XKR9: variants seen among roughly 807,000 people sequenced by gnomAD.
The protein encoded by XKR9 is XK-related protein 9.
A neutral mutation model predicts 32.0 loss-of-function variants in XKR9; 32 were observed. That is an observed-to-expected ratio of 1.00 (90% CI 0.76 to 1.34). The LOEUF (loss-of-function observed/expected upper bound fraction) is 1.34. XKR9 is among the 40% of genes most tolerant of loss of function. The pLI is 0.00. For missense variants in XKR9, 546 were observed against 429.7 expected, an observed-to-expected ratio of 1.27 and a Z score of -2.39; for synonymous variants, 168 against 143.4, an observed-to-expected ratio of 1.17 and a Z score of -1.22.
chr8:70,939,784 A>C, the XKR9 span, among the ~76,000 whole-genome samples: 1 of 151,968 alleles, frequency 6.6e-6, no homozygotes, highest in African/African-American at 2.4e-5. Context: ...CATGGTCCAT[A>C]TGTTTTAAAA....
At chr8:70,752,345 ACGATTT>A (rs1447456277) in intron 2 of XKR9, among the ~76,000 whole-genome samples, 1 of 152,184 alleles carries the variant, frequency 6.6e-6, no homozygotes, top group Non-Finnish European at 1.5e-5. Context: ...TATTTATCTT[ACGATTT>A]TAGAGGCTGG....
chr8:70,809,327 A>G, the XKR9 span, among the ~76,000 whole-genome samples: 1 of 152,310 alleles, frequency 6.6e-6, no homozygotes, highest in East Asian at 1.9e-4. Context: ...AAGGTAGATA[A>G]AACCACAAAC....
At chr8:71,043,976 T>G in the XKR9 span, among the ~76,000 whole-genome samples, 294 of 152,254 alleles carry the variant, frequency 1.9e-3, 1 homozygote, top group African/African-American at 6.5e-3. Flanking sequence ...TAAACAAAAT[T>G]TTAACTATCT....
the XKR9 span, among the ~76,000 whole-genome samples, chr8:71,032,113 G>A: frequency 6.6e-6 from 1 of 152,002 alleles, no homozygotes; most frequent in Non-Finnish European, 1.5e-5. Flanking sequence ...GGCCAATGTG[G>A]TGAAATCCTA....
At chr8:70,892,797 C>G in the XKR9 span, among the ~76,000 whole-genome samples, 2 of 152,078 alleles carry the variant, frequency 1.3e-5, no homozygotes, top group Non-Finnish European at 2.9e-5. Context: ...GATGATTTGA[C>G]TATAATGTAA....
At chr8:70,799,956 G>A in the XKR9 span, among the ~76,000 whole-genome samples, 2 of 152,180 alleles carry the variant, frequency 1.3e-5, no homozygotes, top group African/African-American at 4.8e-5. Flanking sequence ...CAAGGAGAAT[G>A]TTTCCAGCTT....
chr8:70,846,099 G>T, the XKR9 span, among the ~76,000 whole-genome samples: 2 of 152,122 alleles, frequency 1.3e-5, no homozygotes, highest in African/African-American at 2.4e-5. Flanking sequence ...GTGAACAGTG[G>T]ATTTCTGAGC....
At chr8:70,838,897 A>G in the XKR9 span, among the ~76,000 whole-genome samples, 1 of 152,114 alleles carries the variant, frequency 6.6e-6, no homozygotes, top group South Asian at 2.1e-4. Flanking sequence ...CATGTGATTA[A>G]GCAACCTTGT....
the XKR9 span, among the ~76,000 whole-genome samples, chr8:70,870,617 G>A: frequency 6.7e-4 from 102 of 152,260 alleles, no homozygotes; most frequent in African/African-American, 2.3e-3. Context: ...AAGACCAATC[G>A]CATCTTGATT....
chr8:70,821,265 T>A, the XKR9 span, among the ~76,000 whole-genome samples: 1 of 152,230 alleles, frequency 6.6e-6, no homozygotes, highest in African/African-American at 2.4e-5. Flanking sequence ...CACATCCAGG[T>A]CACACTGATG....
chr8:70,838,764 T>A, the XKR9 span, among the ~76,000 whole-genome samples: 5 of 152,048 alleles, frequency 3.3e-5, no homozygotes, highest in African/African-American at 7.2e-5. Context: ...TGACTCCAAG[T>A]GTGGAAGTTT....
chr8:70,868,430 T>A, the XKR9 span, among the ~76,000 whole-genome samples: 2 of 152,100 alleles, frequency 1.3e-5, no homozygotes, highest in Non-Finnish European at 2.9e-5. Flanking sequence ...TTGGCTTCTG[T>A]GCACTTGCAG....
At chr8:70,722,665 G>C (rs1045368228) in intron 4 of XKR9, among the ~76,000 whole-genome samples, 1 of 152,184 alleles carries the variant, frequency 6.6e-6, no homozygotes, top group African/African-American at 2.4e-5. Context: ...AGAGAGATCT[G>C]TTGTTAGTCT....
At chr8:70,813,668 T>C in the XKR9 span, among the ~76,000 whole-genome samples, 4 of 152,200 alleles carry the variant, frequency 2.6e-5, no homozygotes, top group Admixed American at 2.6e-4. Flanking sequence ...AAGATATTTA[T>C]GCACCCAAAA....
intron 1 of XKR9, among the ~76,000 whole-genome samples, chr8:70,674,111 G>C (rs1818809170): frequency 2.0e-5 from 3 of 152,114 alleles, no homozygotes. Context: ...CGAGGTTATA[G>C]TGAGCTATGA....
At position 70,776,919 on chromosome 8, in the gene XKR9, T is replaced by TCTCTCTCTCTCTCTCTCTCTC. The variant is rs1466163794; in HGVS notation, n.353-12420_353-12419insCTCTCTCTCTCTCTCTCTCTC. Among the ~76,000 whole-genome samples, 34 of 70,430 alleles carry TCTCTCTCTCTCTCTCTCTCTC rather than the reference T, an allele frequency of 4.8e-4. 2 individuals carry two copies. Among genetic ancestry groups the TCTCTCTCTCTCTCTCTCTCTC allele is most frequent in the Non-Finnish European group, 5.6e-4 (22 of 39,588 alleles). 46.2% of individuals were successfully genotyped at this position (70,430 alleles called of 152,430 possible). A position where few individuals can be genotyped will look rare whatever the true frequency, so the allele number is the denominator to read the frequency against. ...ACCTTGCATTTAGCAGGTTTTCTCT[T>TCTCTCTCTCTCTCTCTCTCTC]TCTTTCTCTCTCTCTCTCTCTCTCT... On this transcript the variant is annotated intron_variant and non_coding_transcript_variant, in intron 2 of 3. Coordinates refer to the XKR9 transcript ENST00000520273.
At chr8:70,905,168 G>A in the XKR9 span, among the ~76,000 whole-genome samples, 1 of 152,170 alleles carries the variant, frequency 6.6e-6, no homozygotes, top group Non-Finnish European at 1.5e-5. Flanking sequence ...ATGTTTGCCT[G>A]CCTTGCTAGG....
chr8:70,796,895 C>T, the XKR9 span, among the ~76,000 whole-genome samples: 1 of 152,144 alleles, frequency 6.6e-6, no homozygotes, highest in African/African-American at 2.4e-5. Context: ...CTTAAGAAGA[C>T]AAACATGACA....
the XKR9 span, among the ~76,000 whole-genome samples, chr8:70,810,761 A>C: frequency 0.32 from 48,636 of 152,102 alleles, 9,139 homozygotes; most frequent in Non-Finnish European, 0.43. Flanking sequence ...ATATGTGCAC[A>C]CAATACAGGA....
Sources: allele counts gnomAD v4.1 joint callset (sites outside exome capture counted in the v4.1 genomes callset), GRCh38; gene constraint gnomAD v4.1.1; transcripts MANE v1.5; gene names NCBI Gene and HGNC (gene_info 2026-07-23, HGNC 2026-07-21).